EPHA3: variants seen among roughly 807,000 people sequenced by gnomAD.
EPHA3 encodes the protein EPH receptor A3, also known as ephrin type-A receptor 3.
A neutral mutation model predicts 107.1 loss-of-function variants in EPHA3; 42 were observed. The observed-to-expected ratio is 0.39, with a 90% confidence interval of 0.31 to 0.51. The LOEUF (loss-of-function observed/expected upper bound fraction) is 0.51, where lower values mean the gene tolerates loss of function less well. Among genes scored for constraint, EPHA3 ranks in the 20% least tolerant of loss-of-function variants. The pLI is 0.78. For missense variants in EPHA3, 1,183 were observed against 1,211.2 expected, an observed-to-expected ratio of 0.98 and a Z score of 0.35; for synonymous variants, 461 against 424.8, an observed-to-expected ratio of 1.09 and a Z score of -1.05.
At chr3:89,206,454 T>G (rs976465869) in intron 2 of EPHA3, among the ~76,000 whole-genome samples, 2 of 152,164 alleles carry the variant, frequency 1.3e-5, no homozygotes, top group Non-Finnish European at 2.9e-5. Context: ...AAATTTAAAG[T>G]CAATTGGTTT....
intron 5 of EPHA3, among the ~76,000 whole-genome samples, chr3:89,393,472 T>C (rs1708784838): frequency 6.6e-6 from 1 of 152,212 alleles, no homozygotes; most frequent in Non-Finnish European, 1.5e-5. Flanking sequence ...AAAGGAGAGA[T>C]GCTGTACCTG....
At chr3:89,179,684 A>G (rs1335245027) in intron 2 of EPHA3, among the ~76,000 whole-genome samples, 1 of 145,206 alleles carries the variant, frequency 6.9e-6, no homozygotes, top group Non-Finnish European at 1.5e-5. Context: ...AAAAAAAAAG[A>G]TCTTCAAAAA....
intron 2 of EPHA3, among the ~76,000 whole-genome samples, chr3:89,170,150 G>T (rs1314934197): frequency 6.6e-6 from 1 of 151,940 alleles, no homozygotes. Context: ...GCTCTGCTCG[G>T]GAGGCTGAGG....
chr3:89,186,411 T>C (rs2107130609), intron 2 of EPHA3, among the ~76,000 whole-genome samples: 1 of 152,246 alleles, frequency 6.6e-6, no homozygotes, highest in Non-Finnish European at 1.5e-5. Context: ...ACAACTCACC[T>C]ATAGCTTTGT....
At chr3:89,268,016 T>A (rs1433359736) in intron 3 of EPHA3, among the ~76,000 whole-genome samples, 1 of 152,152 alleles carries the variant, frequency 6.6e-6, no homozygotes, top group Non-Finnish European at 1.5e-5. Flanking sequence ...CAGTAAAGTA[T>A]GCAAATTGTT....
At chr3:89,371,462 G>T (rs755342321) in intron 5 of EPHA3, among the ~76,000 whole-genome samples, 2 of 151,590 alleles carry the variant, frequency 1.3e-5, no homozygotes, top group African/African-American at 2.4e-5. Flanking sequence ...ATGATACAAG[G>T]TAAGATAGAT....
chr3:89,330,422 T>A (rs190303936), intron 3 of EPHA3, among the ~76,000 whole-genome samples: 15 of 152,198 alleles, frequency 9.9e-5, no homozygotes, highest in African/African-American at 2.2e-4. Flanking sequence ...AGGTTTTTTT[T>A]AAATCCATTG....
At chr3:89,467,769 AG>A in intron 15 of EPHA3, among the ~76,000 whole-genome samples, 1 of 152,322 alleles carries the variant, frequency 6.6e-6, no homozygotes, top group South Asian at 2.1e-4. Context: ...AAGGGAAGAA[AG>A]TTATTTTTCA....
At chr3:89,446,847 G>A (rs1278658270) in intron 13 of EPHA3, among the ~76,000 whole-genome samples, 1 of 151,904 alleles carries the variant, frequency 6.6e-6, no homozygotes, top group Non-Finnish European at 1.5e-5. Flanking sequence ...ATTTGGTTCT[G>A]GAAAAAGAGA....
chr3:89,439,862 A>G (rs2107545144), intron 13 of EPHA3, among the ~76,000 whole-genome samples: 1 of 152,236 alleles, frequency 6.6e-6, no homozygotes, highest in South Asian at 2.1e-4. Flanking sequence ...CTGTTTCATG[A>G]GAGTCCGAAA....
At chr3:89,420,356 A>G (rs1709331164) in intron 11 of EPHA3, among the ~76,000 whole-genome samples, 1 of 151,480 alleles carries the variant, frequency 6.6e-6, no homozygotes, top group African/African-American at 2.4e-5. Flanking sequence ...TAGCATGACT[A>G]AAAAGGCATT....
At chr3:89,246,655 C>A (rs1313562790) in intron 3 of EPHA3, among the ~76,000 whole-genome samples, 1 of 152,176 alleles carries the variant, frequency 6.6e-6, no homozygotes, top group Non-Finnish European at 1.5e-5. Flanking sequence ...AATTGCTACT[C>A]TGCCCTTTAT....
At chr3:89,381,747 G>A (rs1708514434) in intron 5 of EPHA3, among the ~76,000 whole-genome samples, 1 of 152,094 alleles carries the variant, frequency 6.6e-6, no homozygotes, top group South Asian at 2.1e-4. Context: ...ATCAGAAATG[G>A]GATTAGTGCT....
intron 2 of EPHA3, among the ~76,000 whole-genome samples, chr3:89,134,644 TC>T (rs1463006886): frequency 5.3e-5 from 8 of 152,270 alleles, no homozygotes; most frequent in African/African-American, 1.9e-4. Flanking sequence ...TGGTTCCAAG[TC>T]TTTGCTATTG....
chr3:89,133,809 T>C (rs1342198315), intron 2 of EPHA3, among the ~76,000 whole-genome samples: 1 of 152,166 alleles, frequency 6.6e-6, no homozygotes, highest in Admixed American at 6.5e-5. Context: ...TTCAGAAAAC[T>C]GCAGTGGATC....
At chr3:89,259,033 T>C (rs2107276788) in intron 3 of EPHA3, among the ~76,000 whole-genome samples, 1 of 152,336 alleles carries the variant, frequency 6.6e-6, no homozygotes, top group South Asian at 2.1e-4. Context: ...TTTCTGGTCT[T>C]AATATATATG....
intron 1 of EPHA3, among the ~76,000 whole-genome samples, chr3:89,118,321 G>C (rs1384184362): frequency 6.6e-6 from 1 of 151,846 alleles, no homozygotes; most frequent in Non-Finnish European, 1.5e-5. Flanking sequence ...TCAGATACAA[G>C]TGATTTTCTT....
intron 11 of EPHA3, among the ~76,000 whole-genome samples, chr3:89,424,526 C>T (rs527755130): frequency 2.7e-5 from 4 of 149,294 alleles, no homozygotes; most frequent in Non-Finnish European, 4.5e-5. Context: ...AATCTTAAAC[C>T]TTTTTTTTTG....
chr3:89,180,236 A>G (rs1209301708), intron 2 of EPHA3, among the ~76,000 whole-genome samples: 2 of 151,890 alleles, frequency 1.3e-5, no homozygotes, highest in East Asian at 3.9e-4. Flanking sequence ...TACATCTAAG[A>G]TATCTTAAAT....
Sources: allele counts gnomAD v4.1 joint callset (sites outside exome capture counted in the v4.1 genomes callset), GRCh38; gene constraint gnomAD v4.1.1; transcripts MANE v1.5; gene names NCBI Gene and HGNC (gene_info 2026-07-23, HGNC 2026-07-21).